ADCY1: variants seen among roughly 807,000 people sequenced by gnomAD.
ADCY1 encodes the protein adenylate cyclase type 1.
Under a neutral mutation model 105.4 loss-of-function variants are expected in ADCY1, and 28 were observed. The ratio of observed to expected loss-of-function variants is 0.27; its 90% CI spans 0.20 to 0.36. ADCY1 has a LOEUF of 0.36. Among genes scored for constraint, ADCY1 ranks in the 10% least tolerant of loss-of-function variants. The pLI, the probability that ADCY1 is intolerant of heterozygous loss-of-function variation, is 1.00. For missense variants in ADCY1, 977 were observed against 1,434.2 expected, an observed-to-expected ratio of 0.68 and a Z score of 5.15; for synonymous variants, 655 against 623.8, an observed-to-expected ratio of 1.05 and a Z score of -0.75.
Position 45,591,190 on chromosome 7 carries a change from C to A in ADCY1, c.640-1569C>A, listed in dbSNP as rs1484740727. Among the ~76,000 whole-genome samples, 1 of 152,188 alleles carries A rather than the reference C, an allele frequency of 6.6e-6. No homozygotes were observed. Among genetic ancestry groups the A allele is most frequent in the Admixed American group, 6.5e-5 (1 of 15,290 alleles). On this transcript the variant is annotated intron_variant, in intron 1 of 19. Coordinates refer to ENST00000297323, the MANE Select transcript of ADCY1 (RefSeq NM_021116.4). This position sits in a 1 kb window ranked among gnomAD's most constrained non-coding sequence, Gnocchi z 4.1. ...AGGTGCTCCAAATCTGTCCTCTCCC[C>A]TCCCTGTGGCCCCTGCCCCTGGTCA...
intron 5 of ADCY1, among the ~76,000 whole-genome samples, chr7:45,652,672 A>C (rs1296819234): frequency 6.6e-6 from 1 of 152,208 alleles, no homozygotes; most frequent in East Asian, 1.9e-4. Context: ...GGAAGAGTCT[A>C]GGACCCGTTT....
rs938333585 is a variant in ADCY1 at position 45,647,461 on chromosome 7, A to G, written c.1021-1209A>G. On this transcript the variant is annotated intron_variant, in intron 4 of 19. Transcript: ENST00000297323. The surrounding 1 kb of genome is among the most constrained non-coding windows in gnomAD (Gnocchi z 4.6). ...CATTTGTAAGAAACCAAAGGATCACATTAAATATAAGCCACCGATGTGTTC... is the reference window on the plus strand; with the variant it reads ...CATTTGTAAGAAACCAAAGGATCACGTTAAATATAAGCCACCGATGTGTTC... 6.6e-6 allele frequency among the ~76,000 whole-genome samples: 1 copy of G among 152,228 alleles called. No individual in the cohort carries two copies. The highest frequency in any genetic ancestry group is 6.5e-5 in the Admixed American group (1 of 15,286).
At chr7:45,610,840 GGAGGCGAT>G (rs1232220752) in intron 3 of ADCY1, among the ~76,000 whole-genome samples, 324 of 51,020 alleles carry the variant, frequency 6.4e-3, no homozygotes, top group Middle Eastern at 0.022. Flanking sequence ...GTGGAGGTGT[GGAGGCGAT>G]ATTGGAGTTG....
chr7:45,637,244 T>C (rs1346730279), intron 4 of ADCY1, among the ~76,000 whole-genome samples: 1 of 152,228 alleles, frequency 6.6e-6, no homozygotes, highest in African/African-American at 2.4e-5. Flanking sequence ...TTTATGACAT[T>C]GTTCCCATAC....
intron 4 of ADCY1, among the ~76,000 whole-genome samples, chr7:45,626,056 T>C (rs973381771): frequency 1.6e-4 from 24 of 152,320 alleles, no homozygotes; most frequent in Admixed American, 8.5e-4. Flanking sequence ...CAGCCCCTAA[T>C]GCGAGGCTCT....
intron 4 of ADCY1, among the ~76,000 whole-genome samples, chr7:45,636,111 A>G (rs1742472081): frequency 6.6e-6 from 1 of 152,090 alleles, no homozygotes; most frequent in Admixed American, 6.5e-5. Flanking sequence ...TTGTAATCCC[A>G]TTTGTCTGAT....
At chr7:45,677,832 A>G (rs373158852) in intron 8 of ADCY1, 37 bp from the exon 9 acceptor site, 27 of 1,595,266 alleles carry the variant, frequency 1.7e-5, no homozygotes, top group Non-Finnish European at 2.2e-5. Flanking sequence ...TAAGTGGAGA[A>G]TTTGATGATA....
intron 8 of ADCY1, chr7:45,664,587 C>T (rs1230001478): frequency 2.7e-6 from 3 of 1,125,358 alleles, no homozygotes; most frequent in Non-Finnish European, 3.5e-6. Flanking sequence ...TACCATCTCA[C>T]AAAAAAGCTA....
intron 1 of ADCY1, among the ~76,000 whole-genome samples, chr7:45,580,586 G>A (rs944278577): frequency 1.3e-5 from 2 of 152,216 alleles, no homozygotes; most frequent in African/African-American, 4.8e-5. Flanking sequence ...CTTTGAAGGT[G>A]TGCACAGGGG....
At position 45,708,492 on chromosome 7, in the gene ADCY1, A is replaced by G. The variant is rs750011120; in HGVS notation, c.2932+28A>G. On this transcript the variant is annotated intron_variant, in intron 18 of 19. Transcript: ENST00000297323. The surrounding 1 kb of genome is among the most constrained non-coding windows in gnomAD (Gnocchi z 4.7). Reference sequence around the variant, plus strand: ...ATGTGGCTCTAAACCTATCCTGTCCATCCATGTGGAACACCTTCCTACACC... The same window carrying G: ...ATGTGGCTCTAAACCTATCCTGTCCGTCCATGTGGAACACCTTCCTACACC... The G allele has an allele frequency of 7.7e-6, 12 of 1,550,606 alleles. No homozygotes were observed. In the East Asian group the frequency reaches 1.1e-4, roughly 15 times the overall value.
At chr7:45,594,137 G>A (rs1191959246) in intron 2 of ADCY1, among the ~76,000 whole-genome samples, 1 of 152,168 alleles carries the variant, frequency 6.6e-6, no homozygotes, top group Non-Finnish European at 1.5e-5. Context: ...TTGTAATCAG[G>A]TAGATGTGTT....
At chr7:45,609,936 G>A (rs550915682) in intron 2 of ADCY1, among the ~76,000 whole-genome samples, 6 of 152,320 alleles carry the variant, frequency 3.9e-5, no homozygotes, top group South Asian at 4.1e-4. Context: ...ACATGGTCCC[G>A]TAGCCCGCCT....
In ADCY1 at chr7:45,588,986, A is replaced by C. The variant is rs1188139584; in HGVS notation, c.640-3773A>C. Among the ~76,000 whole-genome samples the C allele has an allele frequency of 3.9e-5, 6 of 152,258 alleles. No individual in the cohort carries two copies. In the South Asian group the frequency reaches 1.2e-3, roughly 32 times the overall value. On this transcript the variant is annotated intron_variant, in intron 1 of 19. Coordinates refer to ENST00000297323, the MANE Select transcript of ADCY1 (RefSeq NM_021116.4). The stretch of plus-strand genomic sequence containing the variant: ...TCAGAGTCTAACCTGTGTCCCACGC[A>C]GTGTCCTTTGTTGGGTTTCTCCTTA...
rs1785047053 is a variant in ADCY1 at position 45,703,684 on chromosome 7, G to A, written c.2656G>A (p.Gly886Ser). The A allele has an allele frequency of 6.2e-7, 1 of 1,612,466 alleles. No homozygotes were observed. The highest frequency in any genetic ancestry group is 1.1e-5 in the South Asian group (1 of 90,740). Residue 886 changes from glycine to serine, a missense_variant, in exon 16 of 20, where the codon GGC becomes AGC. Gly to Ser is a moderately conservative substitution (Grantham distance 56). This residue lies in a region of ADCY1 where 152 missense variants were observed against 293.7 expected (regional missense o/e 0.52). Coordinates refer to ENST00000297323, the MANE Select transcript of ADCY1 (RefSeq NM_021116.4). The surrounding 1 kb of genome is among the most constrained non-coding windows in gnomAD (Gnocchi z 5.9). ...CAATGACTTCTACATCGAGCTGGACGGCAACAACATGGGGGTGGAGTGTCT... is the reference window on the plus strand; with the variant it reads ...CAATGACTTCTACATCGAGCTGGACAGCAACAACATGGGGGTGGAGTGTCT... ...NFNDFYIELDGNNMGVECLRL... is the reference protein window; with the variant it reads ...NFNDFYIELDSNNMGVECLRL...
chr7:45,619,747 T>A (rs1200642195), intron 3 of ADCY1, among the ~76,000 whole-genome samples: 1 of 152,148 alleles, frequency 6.6e-6, no homozygotes, highest in East Asian at 1.9e-4. Context: ...AATGGGGTGA[T>A]GTTGGTAAAA....
intron 1 of ADCY1, among the ~76,000 whole-genome samples, chr7:45,590,978 T>C (rs931128463): frequency 1.3e-5 from 2 of 151,972 alleles, no homozygotes; most frequent in African/African-American, 4.8e-5. Context: ...CCCATGGAGG[T>C]GTCAGGCAGA....
At chr7:45,602,991 C>A (rs1163322638) in intron 2 of ADCY1, among the ~76,000 whole-genome samples, 1 of 152,200 alleles carries the variant, frequency 6.6e-6, no homozygotes, top group Non-Finnish European at 1.5e-5. Context: ...GACATAGGCA[C>A]CCACTAATTT....
At chr7:45,661,932 T>C (rs1795117636) in intron 7 of ADCY1, 127 bp from the exon 8 acceptor site, 1 of 1,170,904 alleles carries the variant, frequency 8.5e-7, no homozygotes, top group Non-Finnish European at 1.2e-6. Flanking sequence ...TGGCTTGAAG[T>C]AGGCGCTGAG....
intron 1 of ADCY1, among the ~76,000 whole-genome samples, chr7:45,576,566 G>T (rs1216020846): frequency 6.6e-5 from 10 of 152,144 alleles, no homozygotes. Context: ...TAAAGGCTGA[G>T]GAAAGGGGAA....
Sources: allele counts gnomAD v4.1 joint callset (sites outside exome capture counted in the v4.1 genomes callset), GRCh38; gene constraint gnomAD v4.1.1; regional missense constraint gnomAD v4.1.1; non-coding constraint Gnocchi (gnomAD v3.1); transcripts MANE v1.5; gene names NCBI Gene and HGNC (gene_info 2026-07-23, HGNC 2026-07-21).